Variants in CACNA2D3 observed in about 807,000 individuals in gnomAD.
CACNA2D3 encodes calcium voltage-gated channel auxiliary subunit alpha2delta 3.
Under a neutral mutation model 160.6 loss-of-function variants are expected in CACNA2D3, and 60 were observed. The observed-to-expected ratio is 0.37, with a 90% CI of 0.30 to 0.46. The LOEUF (loss-of-function observed/expected upper bound fraction) is 0.46. CACNA2D3 is among the 20% of genes least tolerant of loss of function. The probability of loss-of-function intolerance (pLI) is 1.00; values close to 1 mark genes in which losing one functional copy is unlikely to be tolerated. For synonymous variants in CACNA2D3, 558 were observed against 492.9 expected, an observed-to-expected ratio of 1.13 and a Z score of -1.75; for missense variants, 1,205 against 1,365.0, an observed-to-expected ratio of 0.88 and a Z score of 1.85.
chr3:54,240,041 A>G (rs559431593), intron 2 of CACNA2D3, among the ~76,000 whole-genome samples: 1 of 152,360 alleles, frequency 6.6e-6, no homozygotes, highest in South Asian at 2.1e-4. Context: ...GAACAGAAGA[A>G]TACAGTTAAA....
chr3:54,568,374 A>G (rs1702442027), intron 6 of CACNA2D3, among the ~76,000 whole-genome samples: 1 of 152,144 alleles, frequency 6.6e-6, no homozygotes, highest in Non-Finnish European at 1.5e-5. Context: ...TCTTAAGATC[A>G]CTCACCACAG....
At chr3:54,833,527 C>T (rs533428805) in intron 14 of CACNA2D3, among the ~76,000 whole-genome samples, 92 of 151,836 alleles carry the variant, frequency 6.1e-4, no homozygotes, top group African/African-American at 2.0e-3. Flanking sequence ...CCCCTAGCAA[C>T]GTGTTGGGGG....
At chr3:54,936,644 C>T (rs1280787385) in intron 27 of CACNA2D3, among the ~76,000 whole-genome samples, 8 of 152,204 alleles carry the variant, frequency 5.3e-5, no homozygotes, top group East Asian at 3.9e-4. Flanking sequence ...ACTACATGCT[C>T]GTGCTGTGAT....
At chr3:54,763,824 CGTAT>C (rs1702155158) in intron 12 of CACNA2D3, among the ~76,000 whole-genome samples, 1 of 67,742 alleles carries the variant, frequency 1.5e-5, no homozygotes, top group African/African-American at 6.3e-5. Context: ...TATATATATA[CGTAT>C]ATATATGTAT....
At chr3:55,065,809 C>T (rs1346028336) in intron 35 of CACNA2D3, among the ~76,000 whole-genome samples, 2 of 152,084 alleles carry the variant, frequency 1.3e-5, no homozygotes, top group Admixed American at 6.6e-5. Flanking sequence ...AAGCTGGGAC[C>T]ACTCAATAAT....
intron 3 of CACNA2D3, among the ~76,000 whole-genome samples, chr3:54,337,404 C>T (rs1462385849): frequency 6.6e-6 from 1 of 152,186 alleles, no homozygotes; most frequent in Non-Finnish European, 1.5e-5. Flanking sequence ...GTATGTCCAA[C>T]TCCAGAGTCC....
In CACNA2D3 at chr3:54,193,448, G is replaced by A. The variant is rs574709216; in HGVS notation, c.204+69854G>A. Among the ~76,000 whole-genome samples the A allele has an allele frequency of 4.0e-5, 6 of 151,804 alleles. No individual in the cohort carries two copies. The South Asian group carries it at 1.3e-3, about 32-fold the overall frequency. On this transcript the variant is annotated intron_variant, in intron 2 of 37. Coordinates refer to ENST00000474759, the MANE Select transcript of CACNA2D3 (RefSeq NM_018398.3). ...CTCCTCTGTCTCTGACAGTGGCATTGGATACTATCATAATAGTAAACATTT... is the reference window on the plus strand; with the variant it reads ...CTCCTCTGTCTCTGACAGTGGCATTAGATACTATCATAATAGTAAACATTT...
intron 2 of CACNA2D3, among the ~76,000 whole-genome samples, chr3:54,240,814 T>G (rs1701961370): frequency 6.6e-6 from 1 of 152,188 alleles, no homozygotes; most frequent in Non-Finnish European, 1.5e-5. Flanking sequence ...CGATCTCGGC[T>G]CACTGCGTCT....
chr3:54,684,290 T>C (rs1182586856), intron 11 of CACNA2D3, among the ~76,000 whole-genome samples: 1 of 152,084 alleles, frequency 6.6e-6, no homozygotes, highest in Non-Finnish European at 1.5e-5. Context: ...AAGACACCAG[T>C]CATTTGATCA....
intron 11 of CACNA2D3, among the ~76,000 whole-genome samples, chr3:54,728,887 C>T (rs2107008115): frequency 6.6e-6 from 1 of 152,310 alleles, no homozygotes; most frequent in Admixed American, 6.5e-5. Context: ...CTCTGCTTAA[C>T]ATTTCAGTCT....
chr3:54,248,411 A>G (rs565254565), intron 2 of CACNA2D3, among the ~76,000 whole-genome samples: 1 of 148,658 alleles, frequency 6.7e-6, no homozygotes, highest in East Asian at 2.1e-4. Context: ...AACCTGGGAG[A>G]TGGAGGTTGC....
chr3:54,853,156 G>T (rs115331385), intron 17 of CACNA2D3, among the ~76,000 whole-genome samples: 2 of 151,342 alleles, frequency 1.3e-5, no homozygotes, highest in Admixed American at 6.6e-5. Flanking sequence ...GAGAAGCATC[G>T]CTGCGCCCAC....
chr3:54,323,153 A>G (rs1439478154), intron 3 of CACNA2D3, among the ~76,000 whole-genome samples: 1 of 151,848 alleles, frequency 6.6e-6, no homozygotes, highest in Non-Finnish European at 1.5e-5. Context: ...AACACTCAGG[A>G]CCCATATGCC....
intron 2 of CACNA2D3, among the ~76,000 whole-genome samples, chr3:54,163,388 C>T (rs1176814277): frequency 6.6e-6 from 1 of 152,186 alleles, no homozygotes; most frequent in Non-Finnish European, 1.5e-5. Flanking sequence ...CTCTTTTCCA[C>T]GTTCCTTTCA....
intron 17 of CACNA2D3, among the ~76,000 whole-genome samples, chr3:54,862,401 A>G (rs967783981): frequency 6.6e-6 from 1 of 151,054 alleles, no homozygotes; most frequent in Non-Finnish European, 1.5e-5. Context: ...ACACACACAC[A>G]CACGCACACA....
At chr3:54,969,884 A>T in intron 29 of CACNA2D3, 40 bp downstream of exon 29, 1 of 1,570,922 alleles carries the variant, frequency 6.4e-7, no homozygotes. Context: ...CCCTGTGGAT[A>T]GAAGGTGACA....
At chr3:54,595,326 GTGT>G (rs1559521733) in intron 9 of CACNA2D3, among the ~76,000 whole-genome samples, 2,197 of 151,394 alleles carry the variant, frequency 0.015, 59 homozygotes, top group African/African-American at 0.05. Flanking sequence ...GTGTGTGTGT[GTGT>G]GTGTGTGTGT....
intron 4 of CACNA2D3, among the ~76,000 whole-genome samples, chr3:54,406,112 T>G (rs1699571472): frequency 6.6e-6 from 1 of 152,116 alleles, no homozygotes; most frequent in African/African-American, 2.4e-5. Context: ...TAGATTGGTG[T>G]AGCCATTATG....
rs1702277894 is a variant in CACNA2D3, at chr3:54,769,359, T to G, written c.1380+5008T>G. Among the ~76,000 whole-genome samples, 3 of 152,160 alleles carry G rather than the reference T, an allele frequency of 2.0e-5. No homozygotes were observed. The South Asian group carries it at 6.2e-4, about 32-fold the overall frequency. The stretch of plus-strand genomic sequence containing the variant: ...GAGCACTTGGCATTAGGAATGATGA[T>G]TGACTCCATTTTAGTAACCTGATGT... On this transcript the variant is annotated intron_variant, in intron 13 of 37. Transcript: ENST00000474759.
Sources: gnomAD v4.1 joint callset for allele counts (sites outside exome capture counted in the v4.1 genomes callset) on GRCh38, gnomAD v4.1.1 for gene constraint, MANE v1.5 for transcripts, NCBI Gene and HGNC (gene_info 2026-07-23, HGNC 2026-07-21) for gene names.